The following MBD5 variants were observed in gnomAD, a reference collection of about 807,000 sequenced individuals.
MBD5 encodes the protein methyl-CpG binding domain protein 5, also known as methyl-CpG-binding domain protein 5.
In MBD5, 13 loss-of-function variants were observed where a neutral mutation model predicts 117.3. The ratio of observed to expected loss-of-function variants is 0.11; its 90% CI spans 0.07 to 0.18. The LOEUF is 0.18. MBD5 is among the 10% of genes least tolerant of loss of function. MBD5 has a pLI of 1.00. For missense variants in MBD5, 1,879 were observed against 2,093.8 expected, an observed-to-expected ratio of 0.90 and a Z score of 2.00; for synonymous variants, 727 against 766.4, an observed-to-expected ratio of 0.95 and a Z score of 0.85.
chr2:148,299,557 A>G (rs1032238577), intron 3 of MBD5, among the ~76,000 whole-genome samples: 1 of 152,222 alleles, frequency 6.6e-6, no homozygotes, highest in Admixed American at 6.5e-5. Flanking sequence ...TCACCGGAGA[A>G]AAATGAAGGA....
At chr2:148,326,047 A>T (rs1206602955) in intron 3 of MBD5, among the ~76,000 whole-genome samples, 1 of 151,892 alleles carries the variant, frequency 6.6e-6, no homozygotes, top group Non-Finnish European at 1.5e-5. Context: ...CTTTGTTCTC[A>T]TTGGTTTCAA....
chr2:148,484,074 ACT>A lies in MBD5; in HGVS notation c.3485_3486del (p.Leu1162GlnfsTer3). ...NAGNTPGPAK[L>X]NSNSVVPQLL... ...CTGGGAATACACCTGGTCCAGCTAA[ACT>A]CAACAGTAACTCTGTGGTGCCACAG... On this transcript the variant is annotated frameshift_variant, in exon 9 of 14. Coordinates refer to ENST00000642680, the MANE Select transcript of MBD5 (RefSeq NM_001378120.1). LOFTEE classifies it high-confidence loss of function. The A allele has an allele frequency of 6.5e-7, 1 of 1,546,492 alleles. No individual in the cohort carries two copies. Among genetic ancestry groups the A allele is most frequent in the Non-Finnish European group, 8.7e-7 (1 of 1,144,932 alleles).
At chr2:148,321,262 G>A (rs1003387583) in intron 3 of MBD5, among the ~76,000 whole-genome samples, 41 of 151,976 alleles carry the variant, frequency 2.7e-4, no homozygotes, top group Admixed American at 3.3e-4. Context: ...AAGAATTGTC[G>A]TGGGCCACAC....
chr2:148,112,781 G>A (rs1696532037), intron 1 of MBD5, among the ~76,000 whole-genome samples: 1 of 151,910 alleles, frequency 6.6e-6, no homozygotes, highest in African/African-American at 2.4e-5. Context: ...AATTCAATCT[G>A]GACTCAGAAA....
intron 4 of MBD5, among the ~76,000 whole-genome samples, chr2:148,347,897 C>A (rs948533021): frequency 1.3e-5 from 2 of 151,916 alleles, no homozygotes. Flanking sequence ...ACCCTACCCC[C>A]CAATGCCACT....
At chr2:148,152,483 C>A (rs1419201658) in intron 1 of MBD5, among the ~76,000 whole-genome samples, 2 of 151,818 alleles carry the variant, frequency 1.3e-5, no homozygotes, top group Non-Finnish European at 2.9e-5. Flanking sequence ...AGTTCAATTC[C>A]TGGGTATCCT....
chr2:148,436,912 G>A (rs1460345217), intron 4 of MBD5, among the ~76,000 whole-genome samples: 1 of 151,822 alleles, frequency 6.6e-6, no homozygotes, highest in East Asian at 1.9e-4. Flanking sequence ...ATATTTTTAT[G>A]GACTACTGAT....
At chr2:148,189,313 CAA>C in intron 2 of MBD5, among the ~76,000 whole-genome samples, 1 of 151,054 alleles carries the variant, frequency 6.6e-6, no homozygotes, top group South Asian at 2.1e-4. Context: ...AGGGCACAGA[CAA>C]ACAAAAAGAC....
chr2:148,329,830 A>C (rs1260794716), intron 3 of MBD5, among the ~76,000 whole-genome samples: 1 of 152,168 alleles, frequency 6.6e-6, no homozygotes, highest in Non-Finnish European at 1.5e-5. Context: ...AATTATTTGT[A>C]ACTGTTACAA....
chr2:148,096,426 A>G (rs1327632910), intron 1 of MBD5, among the ~76,000 whole-genome samples: 1 of 152,180 alleles, frequency 6.6e-6, no homozygotes, highest in Non-Finnish European at 1.5e-5. Flanking sequence ...CAAAATGTCA[A>G]CAATGTGAGG....
In MBD5 at chr2:148,094,016, A is replaced by G. The variant is rs1403080713; in HGVS notation, c.-925+72332A>G. Among the ~76,000 whole-genome samples the G allele has an allele frequency of 2.6e-5, 4 of 152,318 alleles. No homozygotes were observed. The East Asian group carries it at 7.7e-4, about 29-fold the overall frequency. On this transcript the variant is annotated intron_variant, in intron 1 of 13. Transcript: ENST00000642680. The stretch of plus-strand genomic sequence containing the variant: ...AAACTTGTTGTGTTCTCTTTTATAG[A>G]TAAAGAAACTAAGGTACAGAGAGCT...
chr2:148,046,562 T>C (rs1031387608), intron 1 of MBD5, among the ~76,000 whole-genome samples: 2 of 152,116 alleles, frequency 1.3e-5, no homozygotes, highest in African/African-American at 2.4e-5. Flanking sequence ...GTTAGAAATA[T>C]CATAGTCCTC....
At chr2:148,106,500 T>C (rs1363345175) in intron 1 of MBD5, among the ~76,000 whole-genome samples, 2 of 151,998 alleles carry the variant, frequency 1.3e-5, no homozygotes, top group South Asian at 2.1e-4. Flanking sequence ...ATTTTAAAAA[T>C]CCAACCTGAC....
At chr2:148,104,216 G>A (rs1696309376) in intron 1 of MBD5, among the ~76,000 whole-genome samples, 1 of 152,042 alleles carries the variant, frequency 6.6e-6, no homozygotes, top group Non-Finnish European at 1.5e-5. Flanking sequence ...ACTGTTTGTT[G>A]TAAGCTGACT....
At chr2:148,379,357 A>C (rs1014866184) in intron 4 of MBD5, among the ~76,000 whole-genome samples, 1 of 152,074 alleles carries the variant, frequency 6.6e-6, no homozygotes, top group African/African-American at 2.4e-5. Context: ...GTGGAATAAC[A>C]TTTTCAAAGT....
At chr2:148,405,735 A>G (rs573910898) in intron 4 of MBD5, among the ~76,000 whole-genome samples, 52 of 152,318 alleles carry the variant, frequency 3.4e-4, no homozygotes, top group Admixed American at 2.6e-3. Flanking sequence ...TTGAGCCTGT[A>G]CAGCTATCTC....
intron 3 of MBD5, among the ~76,000 whole-genome samples, chr2:148,259,797 A>C (rs998432255): frequency 1.3e-5 from 2 of 152,192 alleles, no homozygotes; most frequent in Admixed American, 6.5e-5. Flanking sequence ...AGAGCTGTGC[A>C]CCTGCACCAC....
At chr2:148,352,959 A>T (rs1213546803) in intron 4 of MBD5, among the ~76,000 whole-genome samples, 1 of 152,130 alleles carries the variant, frequency 6.6e-6, no homozygotes, top group African/African-American at 2.4e-5. Context: ...CAAAACTGTC[A>T]TGTTTCTGGA....
At position 148,308,487 on chromosome 2, in the gene MBD5, C is replaced by CTTTTTTTTTTTTTTTTT. The variant is rs1701948279; in HGVS notation, c.-679-33724_-679-33723insTTTTTTTTTTTTTTTTT. ...ACTTCTCCCACTTTTTGATGGGGTT[C>CTTTTTTTTTTTTTTTTT]TTTCTTTTTTTTTTTTTTTTTTTTT... On this transcript the variant is annotated intron_variant, in intron 3 of 13. Transcript: ENST00000642680. 1.8e-4 allele frequency among the ~76,000 whole-genome samples: 5 copies of CTTTTTTTTTTTTTTTTT among 27,698 alleles called. 2 individuals carry two copies. The highest frequency in any genetic ancestry group is 2.9e-4 in the Non-Finnish European group (3 of 10,414). The allele number at this position is 27,698 out of a possible 152,430, so 18.2% of individuals were successfully genotyped here.
Sources: gnomAD v4.1 joint callset for allele counts (sites outside exome capture counted in the v4.1 genomes callset) on GRCh38, gnomAD v4.1.1 for gene constraint, MANE v1.5 for transcripts, NCBI Gene and HGNC (gene_info 2026-07-23, HGNC 2026-07-21) for gene names.